L1CAM: variants seen among roughly 807,000 people sequenced by gnomAD.
The protein encoded by L1CAM is neural cell adhesion molecule L1.
L1CAM carries 8 observed loss-of-function variants against 93.0 expected under a neutral mutation model. That is an observed-to-expected ratio of 0.09 (90% CI 0.05 to 0.16). L1CAM has a LOEUF of 0.16. Among genes scored for constraint, L1CAM ranks in the 10% least tolerant of loss-of-function variants. The pLI is 1.00. For synonymous variants in L1CAM, 453 were observed against 453.0 expected, an observed-to-expected ratio of 1.00 and a Z score of 0.00; for missense variants, 777 against 1,073.4, an observed-to-expected ratio of 0.72 and a Z score of 3.86.
Position 153,886,060 on chromosome X carries a change from CT to C in L1CAM, c.-109+4del. On this transcript the variant is annotated splice_donor_region_variant and intron_variant, in intron 1 of 28. Transcript: ENST00000370060. ...GGGTCGCACGGGGAGGCCAGCCCGC[CT>C]TACCTGCGCTGCGGCCACCGCTCGG... is the stretch of plus-strand genomic sequence containing the variant. 3.0e-6 allele frequency: 1 copy of C among 336,139 alleles called. No individual in the cohort carries two copies. Among genetic ancestry groups the C allele is most frequent in the Non-Finnish European group, 3.9e-6 (1 of 258,248 alleles). 27.7% of individuals were successfully genotyped at this position (336,139 alleles called of 1,213,427 possible). A position where few individuals can be genotyped will look rare whatever the true frequency, so the allele number is the denominator to read the frequency against.
At chrX:153,883,267 C>T (rs908150380) in intron 1 of L1CAM, among the ~76,000 whole-genome samples, 8 of 110,191 alleles carry the variant, frequency 7.3e-5, no homozygotes, top group Non-Finnish European at 7.6e-5. Context: ...AGAGCCCTGA[C>T]GGGAAGGGGG....
At position 153,862,366 on chromosome X, in the gene L1CAM, C is replaced by T. The variant is rs201438300; in HGVS notation, c.*297G>A. On this transcript the variant is annotated 3_prime_UTR_variant, in exon 29 of 29. Coordinates refer to ENST00000370060, the MANE Select transcript of L1CAM (RefSeq NM_001278116.2). ...AAAGACAGCATTTCGGAGACCCTTT[C>T]GGGCCACCCCTACTTCTTCTCCCCC... The T allele has an allele frequency of 1.3e-5, 4 of 312,620 alleles. No individual in the cohort carries two copies. The highest frequency in any genetic ancestry group is 1.2e-4 in the South Asian group (1 of 8,123). The allele number at this position is 312,620 out of a possible 1,213,427, so 25.8% of individuals were successfully genotyped here.
In L1CAM at chrX:153,872,205, G is replaced by C. The variant is rs782704314; in HGVS notation, c.347C>G (p.Ala116Gly). ...CATGGCGGTGCCCAGCTTATTGCTG[G>C]CAAAGCAGCGGTAGATGCCCTGGAA... is the stretch of plus-strand genomic sequence containing the variant. ...QRFQGIYRCF[A>G]SNKLGTAMSH... Residue 116 changes from alanine (A) to glycine (G), a missense_variant, in exon 5 of 29, where the codon GCC becomes GGC. This residue lies in a region of L1CAM where 574 missense variants were observed against 781.0 expected (regional missense o/e 0.73). Transcript: ENST00000370060. 1 of 1,209,756 alleles carries C rather than the reference G, an allele frequency of 8.3e-7. No homozygotes were observed. The highest frequency in any genetic ancestry group is 3.0e-5 in the East Asian group (1 of 33,755).
chrX:153,864,496 G>A lies in L1CAM; in HGVS notation c.3167-19C>T. The A allele has an allele frequency of 1.7e-6, 2 of 1,209,677 alleles. No homozygotes were observed. Among genetic ancestry groups the A allele is most frequent in the Middle Eastern group, 2.3e-4 (1 of 4,322 alleles). ...TTCTCTTCTGCCAGGGAGAGAGGGT[G>A]GCAGCAGGGGTGAGTCGGAGTGCCA... On this transcript the variant is annotated intron_variant, in intron 24 of 28. Transcript: ENST00000370060.
At chrX:153,867,683 C>T (rs1603275054) in intron 16 of L1CAM, 117 bp downstream of exon 16, 1 of 948,830 alleles carries the variant, frequency 1.1e-6, no homozygotes, top group East Asian at 3.1e-5. Flanking sequence ...CCATGAGGAA[C>T]CGTGAGTCCC....
chrX:153,874,479 CAT>C (rs1217174319), intron 2 of L1CAM, among the ~76,000 whole-genome samples: 2 of 113,067 alleles, frequency 1.8e-5, no homozygotes, highest in African/African-American at 6.4e-5. Flanking sequence ...CACCTGTGTG[CAT>C]GTGTCCATGT....
intron 1 of L1CAM, among the ~76,000 whole-genome samples, chrX:153,878,957 G>A (rs1313031159): frequency 4.5e-5 from 5 of 111,042 alleles, no homozygotes; most frequent in African/African-American, 1.6e-4. Flanking sequence ...CTGGGCAGTC[G>A]GAGACAGGCA....
chrX:153,862,642 C>A lies in L1CAM; in HGVS notation c.*21G>T. ...CTGGATCCCAAGGCCAGGGGCACAGCATCTCCTGTCCTGGACTCCACTATT... is the reference window on the plus strand; with the variant it reads ...CTGGATCCCAAGGCCAGGGGCACAGAATCTCCTGTCCTGGACTCCACTATT... On this transcript the variant is annotated 3_prime_UTR_variant, in exon 29 of 29. Coordinates refer to ENST00000370060, the MANE Select transcript of L1CAM (RefSeq NM_001278116.2). 1 of 1,147,092 alleles carries A rather than the reference C, an allele frequency of 8.7e-7. No individual in the cohort carries two copies. The highest frequency in any genetic ancestry group is 1.2e-6 in the Non-Finnish European group (1 of 841,537). 94.5% of individuals were successfully genotyped at this position (1,147,092 alleles called of 1,213,427 possible).
At position 153,868,411 on chromosome X, in the gene L1CAM, C is replaced by T; in HGVS notation, c.1594G>A (p.Gly532Ser). 8.3e-7 allele frequency: 1 copy of T among 1,211,777 alleles called. No homozygotes were observed. Among genetic ancestry groups the T allele is most frequent in the Non-Finnish European group, 1.1e-6 (1 of 895,501 alleles). ...TGGCACGTGAAGGTCACCCTGGAAC[C>T]TTTCTTCTCGATTGTGCTGCGGGGC... ...QGPRSTIEKK[G>S]SRVTFTCQAS... The change falls in exon 14 of 29, where the codon GGT becomes AGT. Residue 532 changes from glycine (G) to serine (S), a missense_variant. Around this residue, in one of 5 missense-constraint regions of L1CAM, gnomAD observed 574 missense variants for 781.0 expected, o/e 0.73. Transcript: ENST00000370060.
Position 153,865,008 on chromosome X carries a change from C to G in L1CAM, c.2873-14G>C, listed in dbSNP as rs1295507812. The stretch of plus-strand genomic sequence containing the variant: ...CCCCCTCATCCACTGTGGGGACAGA[C>G]AGGGGTTGGCTGTGGCTGCAGCTCT... On this transcript the variant is annotated splice_polypyrimidine_tract_variant and intron_variant, in intron 22 of 28. Coordinates refer to ENST00000370060, the MANE Select transcript of L1CAM (RefSeq NM_001278116.2). 2 of 1,212,108 alleles carry G rather than the reference C, an allele frequency of 1.7e-6. No homozygotes were observed. The highest frequency in any genetic ancestry group is 1.1e-6 in the Non-Finnish European group (1 of 895,498).
At chrX:153,867,310 G>A (rs1044322281) in intron 17 of L1CAM, 46 bp downstream of exon 17, 10 of 1,112,870 alleles carry the variant, frequency 9.0e-6, no homozygotes, top group African/African-American at 7.3e-5. Context: ...TTCACAGCCC[G>A]GAGCCCCTTC....
rs1043431823 is a variant in L1CAM, at chrX:153,862,412, A to G, written c.*251T>C. 38 of 366,299 alleles carry G rather than the reference A, an allele frequency of 1.0e-4. No homozygotes were observed. In the East Asian group the frequency reaches 1.5e-3, roughly 15 times the overall value. The allele number at this position is 366,299 out of a possible 1,213,427, so 30.2% of individuals were successfully genotyped here. On this transcript the variant is annotated 3_prime_UTR_variant, in exon 29 of 29. Transcript: ENST00000370060. Reference sequence around the variant, plus strand: ...CCCCCAAACCACAGCCTCTCTGCCCAAATGGGCTGGCAAAACAGCACCCAA... The same window carrying G: ...CCCCCAAACCACAGCCTCTCTGCCCGAATGGGCTGGCAAAACAGCACCCAA...
chrX:153,883,588 C>T, intron 1 of L1CAM: 1 of 270,255 alleles, frequency 3.7e-6, no homozygotes, highest in Non-Finnish European at 7.3e-6. Context: ...GGGCAGAGGA[C>T]AGGGCAATGA....
At chrX:153,866,973 C>T (rs1557091133) in intron 18 of L1CAM, 81 bp downstream of exon 18, 2 of 1,123,093 alleles carry the variant, frequency 1.8e-6, no homozygotes, top group Admixed American at 4.4e-5. Flanking sequence ...CAGCCCCTTC[C>T]TTTGCATAGC....
intron 1 of L1CAM, chrX:153,880,646 G>A (rs1225903286): frequency 2.4e-5 from 8 of 339,838 alleles, no homozygotes; most frequent in Admixed American, 1.2e-4. Context: ...TAAGGCTCCC[G>A]CTGGCCCTCC....
intron 16 of L1CAM, 25 bp downstream of exon 16, chrX:153,867,775 G>A: frequency 8.6e-7 from 1 of 1,162,070 alleles, no homozygotes; most frequent in Non-Finnish European, 1.2e-6. Context: ...TGACGGTGGG[G>A]TGGCACTGAG....
Position 153,872,199 on chromosome X carries a change from T to C in L1CAM, c.353A>G (p.Asn118Ser). 8.3e-7 allele frequency: 1 copy of C among 1,209,992 alleles called. No homozygotes were observed. ...FQGIYRCFASNKLGTAMSHEI... is the reference protein window; with the variant it reads ...FQGIYRCFASSKLGTAMSHEI... ...ATGGGACATGGCGGTGCCCAGCTTA[T>C]TGCTGGCAAAGCAGCGGTAGATGCC... Residue 118 changes from asparagine to serine, a missense_variant, in exon 5 of 29, where the codon AAT becomes AGT. Transcript: ENST00000370060.
chrX:153,876,144 C>T (rs1557094545), intron 1 of L1CAM, 200 bp from the exon 2 acceptor site: 1 of 437,295 alleles, frequency 2.3e-6, no homozygotes. Context: ...AGAGATAGCC[C>T]TGGCTGGGCC....
At chrX:153,883,090 G>C (rs890951627) in intron 1 of L1CAM, among the ~76,000 whole-genome samples, 1 of 111,821 alleles carries the variant, frequency 8.9e-6, no homozygotes, top group African/African-American at 3.3e-5. Context: ...CCCATGGGGG[G>C]TCTGGGCCCA....
Sources: allele counts gnomAD v4.1 joint callset (sites outside exome capture counted in the v4.1 genomes callset), GRCh38; gene constraint gnomAD v4.1.1; regional missense constraint gnomAD v4.1.1; transcripts MANE v1.5; gene names NCBI Gene and HGNC (gene_info 2026-07-23, HGNC 2026-07-21).